Variants in PGPEP1L observed in about 807,000 individuals in gnomAD.
PGPEP1L encodes the protein pyroglutamyl-peptidase I like, also known as pyroglutamyl-peptidase 1-like protein.
A neutral mutation model predicts 6.0 loss-of-function variants in PGPEP1L; 7 were observed. The ratio of observed to expected loss-of-function variants is 1.17; its 90% CI spans 0.66 to 2.19. The LOEUF (loss-of-function observed/expected upper bound fraction) is 2.19. Among genes scored for constraint, PGPEP1L ranks in the 30% most tolerant of loss-of-function variants. The pLI is 0.00. For missense variants in PGPEP1L, 209 were observed against 192.5 expected (o/e 1.09, Z -0.51); for synonymous variants, 103 against 83.9 (o/e 1.23, Z -1.24).
intron 2 of PGPEP1L, among the ~76,000 whole-genome samples, chr15:99,003,000 A>T (rs1204264707): frequency 6.6e-6 from 1 of 152,206 alleles, no homozygotes; most frequent in Non-Finnish European, 1.5e-5. Flanking sequence ...GCAATTCCTG[A>T]ACATCTGGGT....
Position 99,005,504 on chromosome 15 carries a change from GCAGCGGCC to G in PGPEP1L, c.-225_-218del, listed in dbSNP as rs1347037638. 2.0e-5 allele frequency: 3 copies of G among 152,436 alleles called. No homozygotes were observed. Among genetic ancestry groups the G allele is most frequent in the Non-Finnish European group, 2.9e-5 (2 of 68,064 alleles). 9.4% of individuals were successfully genotyped at this position (152,436 alleles called of 1,614,324 possible). On this transcript the variant is annotated 5_prime_UTR_variant, in exon 2 of 5. An upstream open reading frame in the 5' UTR gains an earlier in-frame stop. Coordinates refer to ENST00000535714, the MANE Select transcript of PGPEP1L (RefSeq NM_001167902.2). ...CTCGCGCTGCGCCTCCCTGGCTCAG[GCAGCGGCC>G]CAGCGGCCGGGCTCTGCGCGCTCTG... is the stretch of plus-strand genomic sequence containing the variant.
At chr15:98,997,984 A>C (rs1226404276) in intron 2 of PGPEP1L, 1 of 152,330 alleles carries the variant, frequency 6.6e-6, no homozygotes, top group African/African-American at 2.4e-5. Context: ...GGGCCCATGC[A>C]CTTGTTTTTC....
At chr15:98,974,382 AAAAAAT>A (rs1412407017) in intron 2 of PGPEP1L, among the ~76,000 whole-genome samples, 28 of 152,212 alleles carry the variant, frequency 1.8e-4, no homozygotes, top group Admixed American at 1.1e-3. Flanking sequence ...CTGTCTCAAA[AAAAAAT>A]AAAAATAAAA....
chr15:99,000,113 G>C (rs549263755), intron 2 of PGPEP1L, among the ~76,000 whole-genome samples: 6 of 152,368 alleles, frequency 3.9e-5, no homozygotes, highest in African/African-American at 1.2e-4. Context: ...ATTCCGGGTG[G>C]GCGTGGGCTC....
intron 2 of PGPEP1L, among the ~76,000 whole-genome samples, chr15:99,000,745 G>A (rs2017954927): frequency 6.6e-6 from 1 of 151,922 alleles, no homozygotes; most frequent in Non-Finnish European, 1.5e-5. Context: ...CTGTCAAAAT[G>A]GACCAATCAG....
chr15:99,001,634 C>T (rs913523425), intron 2 of PGPEP1L, among the ~76,000 whole-genome samples: 5 of 152,244 alleles, frequency 3.3e-5, no homozygotes, highest in Admixed American at 6.5e-5. Flanking sequence ...CCTGGATGAA[C>T]CTTAAATTAC....
In PGPEP1L at chr15:98,972,072, G is replaced by C. The variant is rs902355792; in HGVS notation, c.-141-914C>G. Among the ~76,000 whole-genome samples, 8 of 152,252 alleles carry C rather than the reference G, an allele frequency of 5.3e-5. 1 individual carries two copies. Among genetic ancestry groups the C allele is most frequent in the Admixed American group, 5.2e-4 (8 of 15,296 alleles). On this transcript the variant is annotated intron_variant, in intron 2 of 4. Transcript: ENST00000535714. ...GATACATTAAAAATAAATAGCATGG[G>C]CCAGGCATGGTGGTTCACACCTGTA...
At chr15:98,972,061 A>G (rs949174972) in intron 2 of PGPEP1L, among the ~76,000 whole-genome samples, 1 of 152,238 alleles carries the variant, frequency 6.6e-6, no homozygotes, top group Non-Finnish European at 1.5e-5. Context: ...CATTAAAAAT[A>G]AATAGCATGG....
chr15:98,993,700 C>A (rs2017849192), intron 2 of PGPEP1L, among the ~76,000 whole-genome samples: 1 of 151,836 alleles, frequency 6.6e-6, no homozygotes, highest in Non-Finnish European at 1.5e-5. Context: ...GGAGGGATAG[C>A]ATTAGGAGAA....
At chr15:99,004,896 G>A (rs1265805096) in intron 2 of PGPEP1L, among the ~76,000 whole-genome samples, 1 of 151,872 alleles carries the variant, frequency 6.6e-6, no homozygotes, top group Non-Finnish European at 1.5e-5. Context: ...TCTCCAGCTA[G>A]TGGCTCTCGG....
At chr15:98,982,289 C>G (rs886608068) in intron 2 of PGPEP1L, among the ~76,000 whole-genome samples, 2 of 152,200 alleles carry the variant, frequency 1.3e-5, no homozygotes, top group Admixed American at 6.5e-5. Context: ...GTGCAGGCGA[C>G]TGGGACTATG....
rs1448220318 is a variant in PGPEP1L at position 99,005,517 on chromosome 15, G to A, written c.-230C>T. 6.6e-6 allele frequency: 1 copy of A among 152,354 alleles called. No individual in the cohort carries two copies. The highest frequency in any genetic ancestry group is 1.5e-5 in the Non-Finnish European group (1 of 68,060). The allele number at this position is 152,354 out of a possible 1,614,324, so 9.4% of individuals were successfully genotyped here. ...TCCCTGGCTCAGGCAGCGGCCCAGC[G>A]GCCGGGCTCTGCGCGCTCTGAGCTC... On this transcript the variant is annotated 5_prime_UTR_variant, in exon 2 of 5. Transcript: ENST00000535714.
chr15:98,979,085 C>T (rs8035614), intron 2 of PGPEP1L, among the ~76,000 whole-genome samples: 135,054 of 151,670 alleles, frequency 0.89, 60,538 homozygotes, highest in South Asian at 0.94. Context: ...AATATAGCCC[C>T]AATGCCCTCA....
intron 2 of PGPEP1L, among the ~76,000 whole-genome samples, chr15:98,991,888 G>A (rs560835119): frequency 4.3e-4 from 65 of 152,240 alleles, no homozygotes; most frequent in Non-Finnish European, 7.6e-4. Context: ...AAAGTCCTTT[G>A]ACAAAATTCA....
At chr15:99,004,462 G>A (rs1424991617) in intron 2 of PGPEP1L, among the ~76,000 whole-genome samples, 1 of 151,996 alleles carries the variant, frequency 6.6e-6, no homozygotes, top group African/African-American at 2.4e-5. Context: ...GCTCATGCCT[G>A]TAGTCCCAGC....
intron 2 of PGPEP1L, among the ~76,000 whole-genome samples, chr15:98,986,413 A>G (rs1555471504): frequency 6.6e-6 from 1 of 152,230 alleles, no homozygotes. Flanking sequence ...TCTCCAATAA[A>G]AACTCTGGAT....
chr15:98,984,003 A>G (rs1008082177), intron 2 of PGPEP1L, among the ~76,000 whole-genome samples: 1 of 145,578 alleles, frequency 6.9e-6, no homozygotes, highest in Non-Finnish European at 1.5e-5. Context: ...CAGTGGAGTA[A>G]GTAGTCTTTT....
chr15:98,969,258 G>A (rs2017452567), intron 4 of PGPEP1L, among the ~76,000 whole-genome samples, 167 bp downstream of exon 4: 1 of 152,156 alleles, frequency 6.6e-6, no homozygotes, highest in Non-Finnish European at 1.5e-5. Context: ...CAAGGTGTGA[G>A]CAACTGTGCT....
chr15:98,973,391 C>T (rs1450311054), intron 2 of PGPEP1L, among the ~76,000 whole-genome samples: 2 of 152,202 alleles, frequency 1.3e-5, no homozygotes, highest in Non-Finnish European at 2.9e-5. Context: ...ACACTCCATC[C>T]AACAGCTGCA....
Sources: gnomAD v4.1 joint callset for allele counts (sites outside exome capture counted in the v4.1 genomes callset) on GRCh38, gnomAD v4.1.1 for gene constraint, MANE v1.5 for transcripts, NCBI Gene and HGNC (gene_info 2026-07-23, HGNC 2026-07-21) for gene names.